Variants in MAOA observed in about 807,000 individuals in gnomAD.
MAOA encodes the protein amine oxidase [flavin-containing] A.
In MAOA, 6 loss-of-function variants were observed where a neutral mutation model predicts 42.0. The ratio of observed to expected loss-of-function variants is 0.14; its 90% CI spans 0.08 to 0.28. The LOEUF (loss-of-function observed/expected upper bound fraction) is 0.28. Ranked by LOEUF, MAOA falls within the 10% of genes least tolerant of loss-of-function variation. The pLI is 1.00. For missense variants in MAOA, 262 were observed against 422.3 expected (o/e 0.62, Z 3.33); for synonymous variants, 140 against 154.0 (o/e 0.91, Z 0.67).
rs947645110 is a variant in MAOA at position 43,728,099 on chromosome X, G to A, written c.504-74G>A. ...AAAAACTTTCTGAACACACTAAATC[G>A]TGTTGTAAAAACATGACATTCTCTG... On this transcript the variant is annotated intron_variant, in intron 5 of 14. Transcript: ENST00000338702. 2.8e-5 allele frequency: 28 copies of A among 1,010,249 alleles called. No individual in the cohort carries two copies. The Middle Eastern group carries it at 1.3e-3, about 45-fold the overall frequency. 83.3% of individuals were successfully genotyped at this position (1,010,249 alleles called of 1,213,427 possible). A position where few individuals can be genotyped will look rare whatever the true frequency, so the allele number is the denominator to read the frequency against.
At chrX:43,671,536 G>A (rs1463188111) in intron 1 of MAOA, among the ~76,000 whole-genome samples, 2 of 109,453 alleles carry the variant, frequency 1.8e-5, no homozygotes, top group Non-Finnish European at 3.8e-5. Flanking sequence ...GTCCTGAATG[G>A]TAATGCCTAG....
intron 3 of MAOA, among the ~76,000 whole-genome samples, chrX:43,695,960 A>G (rs763894988): frequency 7.3e-4 from 82 of 111,744 alleles, no homozygotes; most frequent in Admixed American, 1.4e-3. Flanking sequence ...TACAAATTAC[A>G]TATCTTAAGT....
intron 1 of MAOA, among the ~76,000 whole-genome samples, chrX:43,669,783 C>T (rs1262581637): frequency 8.9e-6 from 1 of 111,968 alleles, no homozygotes; most frequent in Non-Finnish European, 1.9e-5. Context: ...ACCTCCATAG[C>T]ACCTTTTTTT....
intron 2 of MAOA, among the ~76,000 whole-genome samples, chrX:43,690,990 AG>A (rs1411212379): frequency 8.9e-6 from 1 of 111,809 alleles, no homozygotes; most frequent in Non-Finnish European, 1.9e-5. Context: ...CCCAACAAAG[AG>A]GATCAATAAA....
At chrX:43,667,127 C>A (rs986499784) in intron 1 of MAOA, among the ~76,000 whole-genome samples, 2 of 110,461 alleles carry the variant, frequency 1.8e-5, no homozygotes, top group African/African-American at 6.6e-5. Flanking sequence ...TACCCTAGAA[C>A]TTAAAGTATA....
intron 1 of MAOA, among the ~76,000 whole-genome samples, chrX:43,673,106 A>C (rs1321336872): frequency 9.0e-6 from 1 of 110,589 alleles, no homozygotes; most frequent in Admixed American, 9.6e-5. Context: ...GATTATTGCC[A>C]CAATTTCAGA....
intron 1 of MAOA, among the ~76,000 whole-genome samples, chrX:43,668,547 T>A (rs2033302065): frequency 1.8e-5 from 2 of 112,372 alleles, no homozygotes; most frequent in Admixed American, 1.9e-4. Context: ...TTATTCTGAG[T>A]AAAGAGTTAG....
At chrX:43,656,059 T>G, upstream of MAOA, 2 of 371,266 alleles carry the variant, frequency 5.4e-6, no homozygotes, top group Non-Finnish European at 9.5e-6. Context: ...CACAAGGACA[T>G]TCTAAACCTA....
At chrX:43,734,131 T>G (rs1379913713) in intron 9 of MAOA, among the ~76,000 whole-genome samples, 1 of 97,204 alleles carries the variant, frequency 1.0e-5, no homozygotes, top group Admixed American at 1.1e-4. Context: ...TTTTGGGCTT[T>G]CTTTTTTTTT....
upstream of MAOA, chrX:43,655,672 G>A (rs1301970064): frequency 8.8e-6 from 1 of 113,929 alleles, no homozygotes; most frequent in East Asian, 2.8e-4. Flanking sequence ...ACCCCACGGG[G>A]TTTGGTAAAA....
chrX:43,734,715 A>C (rs764751959), intron 9 of MAOA, among the ~76,000 whole-genome samples: 53 of 112,044 alleles, frequency 4.7e-4, no homozygotes, highest in African/African-American at 1.7e-3. Context: ...TAATTTCCTC[A>C]ATAAAACACC....
At chrX:43,702,018 C>T (rs771040622) in intron 3 of MAOA, among the ~76,000 whole-genome samples, 1 of 112,180 alleles carries the variant, frequency 8.9e-6, no homozygotes, top group South Asian at 3.7e-4. Context: ...CAAACTTTTG[C>T]AAAGTAGCCT....
chrX:43,739,692 C>A (rs1047211604), intron 10 of MAOA, among the ~76,000 whole-genome samples: 4 of 112,239 alleles, frequency 3.6e-5, no homozygotes, highest in South Asian at 3.7e-4. Flanking sequence ...TGACTCAAAC[C>A]TTTTGCCACA....
At chrX:43,657,846 T>C (rs962282636) in intron 1 of MAOA, 6 of 707,359 alleles carry the variant, frequency 8.5e-6, no homozygotes, top group Middle Eastern at 1.6e-3. Flanking sequence ...AACCCAACAT[T>C]GTTTATCCTG....
Position 43,670,067 on chromosome X carries a change from A to G in MAOA, c.74-13446A>G, listed in dbSNP as rs767451499. Among the ~76,000 whole-genome samples the G allele has an allele frequency of 3.6e-5, 4 of 112,060 alleles. No homozygotes were observed. In the South Asian group the frequency reaches 1.5e-3, roughly 43 times the overall value. ...GATAGCTCATACTAATGGTATATTTACCAGGCATCAGTCACTTGGCTGAGT... is the reference window on the plus strand; with the variant it reads ...GATAGCTCATACTAATGGTATATTTGCCAGGCATCAGTCACTTGGCTGAGT... On this transcript the variant is annotated intron_variant, in intron 1 of 14. Coordinates refer to ENST00000338702, the MANE Select transcript of MAOA (RefSeq NM_000240.4).
At chrX:43,671,410 G>A (rs1430707569) in intron 1 of MAOA, among the ~76,000 whole-genome samples, 17 of 112,241 alleles carry the variant, frequency 1.5e-4, no homozygotes, top group Non-Finnish European at 3.0e-4. Context: ...CACTCTGACG[G>A]TAGTTTCTTT....
At chrX:43,709,976 G>A (rs1338561782) in intron 3 of MAOA, among the ~76,000 whole-genome samples, 1 of 112,148 alleles carries the variant, frequency 8.9e-6, no homozygotes, top group Non-Finnish European at 1.9e-5. Context: ...AATGCCTCTA[G>A]AACAAACCTA....
At chrX:43,736,337 C>A in intron 10 of MAOA, 57 bp downstream of exon 10, 1 of 780,906 alleles carries the variant, frequency 1.3e-6, no homozygotes, top group Non-Finnish European at 1.9e-6. Flanking sequence ...TTTGTTTTTG[C>A]ACTGACAGTA....
intron 1 of MAOA, among the ~76,000 whole-genome samples, chrX:43,680,124 A>G (rs2033431313): frequency 8.9e-6 from 1 of 112,106 alleles, no homozygotes; most frequent in African/African-American, 3.2e-5. Flanking sequence ...TGAAGGGCTC[A>G]AAATTGCACA....
Sources: gnomAD v4.1 joint callset for allele counts (sites outside exome capture counted in the v4.1 genomes callset) on GRCh38, gnomAD v4.1.1 for gene constraint, MANE v1.5 for transcripts, NCBI Gene and HGNC (gene_info 2026-07-23, HGNC 2026-07-21) for gene names.